Variants in C19orf44 observed in about 807,000 individuals in gnomAD.
C19orf44 encodes uncharacterized protein C19orf44.
A neutral mutation model predicts 50.7 loss-of-function variants in C19orf44; 43 were observed. That is an observed-to-expected ratio of 0.85 (90% CI 0.66 to 1.09). C19orf44 has a LOEUF of 1.09. Among genes scored for constraint, C19orf44 ranks in the 50% least tolerant of loss-of-function variants. The pLI is 0.00. For missense variants in C19orf44, 722 were observed against 836.2 expected, an observed-to-expected ratio of 0.86 and a Z score of 1.68; for synonymous variants, 298 against 334.7, an observed-to-expected ratio of 0.89 and a Z score of 1.20.
Position 16,520,030 on chromosome 19 carries a change from C to T in C19orf44, c.*41-64C>T. 9.3e-7 allele frequency: 1 copy of T among 1,071,356 alleles called. No homozygotes were observed. The highest frequency in any genetic ancestry group is 1.4e-5 in the South Asian group (1 of 70,134). The allele number at this position is 1,071,356 out of a possible 1,614,324, so 66.4% of individuals were successfully genotyped here. A position where few individuals can be genotyped will look rare whatever the true frequency, so the allele number is the denominator to read the frequency against. Reference sequence around the variant, plus strand: ...GTGAAGGGTGAGGGGTGCCACTGTCCCCGGGCTAATGCTGGCGGCCTCCTA... The same window carrying T: ...GTGAAGGGTGAGGGGTGCCACTGTCTCCGGGCTAATGCTGGCGGCCTCCTA... On this transcript the variant is annotated intron_variant, in intron 8 of 8. Transcript: ENST00000221671. The surrounding 1 kb of genome is among the most constrained non-coding windows in gnomAD (Gnocchi z 4.0).
chr19:16,497,315 G>A (rs1000171286), intron 1 of C19orf44, among the ~76,000 whole-genome samples: 1 of 149,976 alleles, frequency 6.7e-6, no homozygotes, highest in Non-Finnish European at 1.5e-5. Flanking sequence ...GATAGGGTGT[G>A]TGGAGTTTAG....
At chr19:16,514,146 CCTGG>C (rs2093465040) in intron 6 of C19orf44, among the ~76,000 whole-genome samples, 1 of 151,316 alleles carries the variant, frequency 6.6e-6, no homozygotes, top group South Asian at 2.1e-4. Flanking sequence ...TGCCACTACA[CCTGG>C]CTAATTTTTT....
chr19:16,507,896 T>C (rs993439437), intron 4 of C19orf44, among the ~76,000 whole-genome samples: 1 of 151,724 alleles, frequency 6.6e-6, no homozygotes, highest in Non-Finnish European at 1.5e-5. Context: ...CTCCGCCTCC[T>C]GGGTTCACAC....
At chr19:16,513,466 C>T (rs1276426628) in intron 6 of C19orf44, among the ~76,000 whole-genome samples, 1 of 152,102 alleles carries the variant, frequency 6.6e-6, no homozygotes, top group African/African-American at 2.4e-5. Flanking sequence ...TCACTGGGAC[C>T]TCTGCCTCCT....
Position 16,501,494 on chromosome 19 carries a change from G to C in C19orf44, c.702G>C (p.Thr234=). The change falls in exon 2 of 9, where the codon ACG becomes ACC. Residue 234 remains threonine, a synonymous_variant. Coordinates refer to ENST00000221671, the MANE Select transcript of C19orf44 (RefSeq NM_032207.4). ...SLMDSSREKN[T]NQGFSSANVS... ...TGGACTCTTCTAGAGAAAAAAACACGAATCAAGGCTTCAGCAGCGCTAACG... is the reference window on the plus strand; with the variant it reads ...TGGACTCTTCTAGAGAAAAAAACACCAATCAAGGCTTCAGCAGCGCTAACG... 6.3e-7 allele frequency: 1 copy of C among 1,595,976 alleles called. No individual in the cohort carries two copies. The highest frequency in any genetic ancestry group is 8.5e-7 in the Non-Finnish European group (1 of 1,172,250).
At chr19:16,510,373 C>T (rs200695244) in intron 5 of C19orf44, among the ~76,000 whole-genome samples, 3 of 152,094 alleles carry the variant, frequency 2.0e-5, no homozygotes, top group Non-Finnish European at 2.9e-5. Flanking sequence ...TGCACTCCAG[C>T]CTGGGTGACA....
rs769064609 is a variant in C19orf44, at chr19:16,520,924, G to A, written c.*871G>A. Reference sequence around the variant, plus strand: ...GCTCCCAGCCTTCACTGTAAGACACGGCATTCCGTGTGTGACCACGTGACA... The same window carrying A: ...GCTCCCAGCCTTCACTGTAAGACACAGCATTCCGTGTGTGACCACGTGACA... On this transcript the variant is annotated 3_prime_UTR_variant, in exon 9 of 9. Coordinates refer to ENST00000221671, the MANE Select transcript of C19orf44 (RefSeq NM_032207.4). This position sits in a 1 kb window ranked among gnomAD's most constrained non-coding sequence, Gnocchi z 4.0. 25 of 1,612,150 alleles carry A rather than the reference G, an allele frequency of 1.6e-5. No homozygotes were observed. The highest frequency in any genetic ancestry group is 3.3e-4 in the Middle Eastern group (2 of 6,082).
chr19:16,509,915 C>A lies in C19orf44; in HGVS notation c.1566C>A (p.His522Gln). The A allele has an allele frequency of 6.2e-7, 1 of 1,614,256 alleles. No individual in the cohort carries two copies. Among genetic ancestry groups the A allele is most frequent in the Non-Finnish European group, 8.5e-7 (1 of 1,180,052 alleles). ...AGTCTAGGAAAAAGTCGGGCAGGCA[C>A]GTGACAAGAGTGCTTGTGAAGGACA... ...TAESRKKSGR[H>Q]VTRVLVKDTA... Residue 522 changes from histidine to glutamine, a missense_variant, in exon 5 of 9, where the codon CAC becomes CAA. Transcript: ENST00000221671.
intron 1 of C19orf44, among the ~76,000 whole-genome samples, chr19:16,497,439 C>T (rs1412802980): frequency 2.6e-5 from 4 of 151,194 alleles, no homozygotes; most frequent in African/African-American, 9.7e-5. Flanking sequence ...CGAACTCCGC[C>T]TCCCAGGTTC....
rs61729416 is a variant in C19orf44, at chr19:16,519,285, G to A, written c.*41-809G>A. The A allele has an allele frequency of 1.2e-3, 1,882 of 1,613,970 alleles. 23 individuals carry two copies. The African/African-American group carries it at 0.023, about 19-fold the overall frequency. ...TATACTGGTCCCACTTATCCCGGAC[G>A]TCCCCGCCCTTGATGGGGTCCTGGA... is the stretch of plus-strand genomic sequence containing the variant. On this transcript the variant is annotated intron_variant, in intron 8 of 8. Transcript: ENST00000221671. The surrounding 1 kb of genome is among the most constrained non-coding windows in gnomAD (Gnocchi z 6.0).
intron 1 of C19orf44, 50 bp from the exon 2 acceptor site, chr19:16,500,742 A>G (rs758229082): frequency 6.7e-7 from 1 of 1,503,538 alleles, no homozygotes; most frequent in Admixed American, 2.3e-5. Context: ...TTGAATGCTC[A>G]ATACAAACAG....
rs1432777687 is a variant in C19orf44, at chr19:16,519,100, G to T, written c.*41-994G>T. 2.0e-6 allele frequency: 3 copies of T among 1,472,466 alleles called. No individual in the cohort carries two copies. Among genetic ancestry groups the T allele is most frequent in the Non-Finnish European group, 2.8e-6 (3 of 1,075,220 alleles). 91.2% of individuals were successfully genotyped at this position (1,472,466 alleles called of 1,614,324 possible). A position where few individuals can be genotyped will look rare whatever the true frequency, so the allele number is the denominator to read the frequency against. The stretch of plus-strand genomic sequence containing the variant: ...CACTGCAATCTTCCTCTGCCAGTCA[G>T]CCAGGAAGGTCCCACAGCCGGCACC... On this transcript the variant is annotated intron_variant, in intron 8 of 8. Coordinates refer to ENST00000221671, the MANE Select transcript of C19orf44 (RefSeq NM_032207.4). The surrounding 1 kb of genome is among the most constrained non-coding windows in gnomAD (Gnocchi z 6.0).
chr19:16,516,407 C>CT (rs576963200), intron 7 of C19orf44, among the ~76,000 whole-genome samples: 1 of 150,794 alleles, frequency 6.6e-6, no homozygotes, highest in African/African-American at 2.5e-5. Context: ...AAGCGGGACT[C>CT]TGTCTCAAAC....
At position 16,509,997 on chromosome 19, in the gene C19orf44, T is replaced by G; in HGVS notation, c.1639+9T>G. 6.2e-7 allele frequency: 1 copy of G among 1,614,020 alleles called. No homozygotes were observed. The highest frequency in any genetic ancestry group is 8.5e-7 in the Non-Finnish European group (1 of 1,179,932). On this transcript the variant is annotated intron_variant, in intron 5 of 8. Transcript: ENST00000221671. Reference sequence around the variant, plus strand: ...CTACGAGTGGACCAAGGGTAAGCCTTGGGGCCCGTGGGGGCCGGGGCAGCC... The same window carrying G: ...CTACGAGTGGACCAAGGGTAAGCCTGGGGGCCCGTGGGGGCCGGGGCAGCC...
At chr19:16,502,642 C>T (rs540043661) in intron 2 of C19orf44, among the ~76,000 whole-genome samples, 159 of 151,964 alleles carry the variant, frequency 1.0e-3, no homozygotes, top group Non-Finnish European at 2.0e-3. Flanking sequence ...AATGTGATAC[C>T]TGTGGTCTTG....
Position 16,509,752 on chromosome 19 carries a change from A to T in C19orf44, c.1403A>T (p.Tyr468Phe). The T allele has an allele frequency of 6.2e-7, 1 of 1,614,278 alleles. No homozygotes were observed. The highest frequency in any genetic ancestry group is 1.3e-5 in the African/African-American group (1 of 75,076). ...ATGGTGAACACAGTCAGCTCAGCTT[A>T]TTCGGAGGATTTTGAAAACTCTCCA... ...APMVNTVSSA[Y>F]SEDFENSPSL... is the part of the protein sequence containing the mutation. Residue 468 changes from tyrosine (Y) to phenylalanine (F), a missense_variant, in exon 5 of 9, where the codon TAT becomes TTT. By Grantham distance (22) the Tyr-to-Phe change is conservative. Coordinates refer to ENST00000221671, the MANE Select transcript of C19orf44 (RefSeq NM_032207.4).
rs1228994810 is a variant in C19orf44, at chr19:16,519,396, G to A, written c.*41-698G>A. ...TCACAACCACAACAAGGCGGAGGCA[G>A]ATGGGGGTGCACGTGGGGGGCTGAA... On this transcript the variant is annotated intron_variant, in intron 8 of 8. Coordinates refer to ENST00000221671, the MANE Select transcript of C19orf44 (RefSeq NM_032207.4). The surrounding 1 kb of genome is among the most constrained non-coding windows in gnomAD (Gnocchi z 6.0). 1 of 1,581,206 alleles carries A rather than the reference G, an allele frequency of 6.3e-7. No homozygotes were observed. Among genetic ancestry groups the A allele is most frequent in the Non-Finnish European group, 8.6e-7 (1 of 1,161,186 alleles).
intron 6 of C19orf44, among the ~76,000 whole-genome samples, chr19:16,513,338 A>T (rs954874221): frequency 2.0e-5 from 3 of 152,090 alleles, no homozygotes; most frequent in Non-Finnish European, 2.9e-5. Flanking sequence ...ACAAAACAAG[A>T]GGGTGAAGAG....
intron 2 of C19orf44, 114 bp from the exon 3 acceptor site, chr19:16,502,951 C>A: frequency 1.1e-6 from 1 of 946,100 alleles, no homozygotes; most frequent in Non-Finnish European, 1.5e-6. Context: ...TGAGCCACTG[C>A]CCTCCAGCCT....
Sources: allele counts gnomAD v4.1 joint callset (sites outside exome capture counted in the v4.1 genomes callset), GRCh38; gene constraint gnomAD v4.1.1; non-coding constraint Gnocchi (gnomAD v3.1); transcripts MANE v1.5; gene names NCBI Gene and HGNC (gene_info 2026-07-23, HGNC 2026-07-21).